The following COL23A1 variants were observed in gnomAD, a reference collection of about 807,000 sequenced individuals.
COL23A1 encodes the protein collagen alpha-1(XXIII) chain.
In COL23A1, 97 loss-of-function variants were observed where a neutral mutation model predicts 99.3. The observed-to-expected ratio is 0.98, with a 90% CI of 0.83 to 1.16. COL23A1 has a LOEUF of 1.16. Among genes scored for constraint, COL23A1 ranks in the 50% most tolerant of loss-of-function variants. COL23A1 has a pLI of 0.00. For missense variants in COL23A1, 762 were observed against 757.4 expected (o/e 1.01, Z -0.07); for synonymous variants, 320 against 308.2 (o/e 1.04, Z -0.40).
At chr5:178,526,015 C>G (rs1388565800) in intron 2 of COL23A1, among the ~76,000 whole-genome samples, 1 of 152,258 alleles carries the variant, frequency 6.6e-6, no homozygotes, top group Non-Finnish European at 1.5e-5. Flanking sequence ...GTAGTCAGCA[C>G]TGCACAGGCA....
intron 8 of COL23A1, 66 bp downstream of exon 8, chr5:178,267,241 G>C (rs1755952712): frequency 1.1e-5 from 17 of 1,555,652 alleles, no homozygotes; most frequent in Non-Finnish European, 1.4e-5. Context: ...AGCAGCGCCA[G>C]TTATGCCTCA....
In COL23A1 at chr5:178,477,993, C is replaced by T. The variant is rs549196966; in HGVS notation, c.361+82689G>A. 2.6e-5 allele frequency among the ~76,000 whole-genome samples: 4 copies of T among 152,316 alleles called. No homozygotes were observed. The South Asian group carries it at 8.3e-4, about 32-fold the overall frequency. ...GCAGCCTCCTCCTAGGCCCTTCATG[C>T]CACCTGAGGGAGGTCCCAGGGTGTG... On this transcript the variant is annotated intron_variant, in intron 2 of 28. Transcript: ENST00000390654.
chr5:178,248,999 C>G, intron 19 of COL23A1, 118 bp downstream of exon 19: 1 of 994,514 alleles, frequency 1.0e-6, no homozygotes. Flanking sequence ...CGGCTGGGCA[C>G]TGAGACCGCA....
In COL23A1 at chr5:178,559,601, C is replaced by T. The variant is rs1350844141; in HGVS notation, c.361+1081G>A. Among the ~76,000 whole-genome samples, 10 of 123,632 alleles carry T rather than the reference C, an allele frequency of 8.1e-5. 1 individual carries two copies. The highest frequency in any genetic ancestry group is 1.5e-4 in the Non-Finnish European group (9 of 61,050). The allele number at this position is 123,632 out of a possible 152,430, so 81.1% of individuals were successfully genotyped here. A position where few individuals can be genotyped will look rare whatever the true frequency, so the allele number is the denominator to read the frequency against. ...CCAAAAGTCACCTTTCCCTGCAGGT[C>T]GAGAAGTCTGAGACACATCACCCAA... On this transcript the variant is annotated intron_variant, in intron 2 of 28. Coordinates refer to ENST00000390654, the MANE Select transcript of COL23A1 (RefSeq NM_173465.4).
In COL23A1 at chr5:178,287,241, C is replaced by T. The variant is rs146278072; in HGVS notation, c.441+1083G>A. ...GGTTTTCACATTTCATTCTTACTTC[C>T]GCAGAGTCTGAGAGGCCAGGCTGCT... On this transcript the variant is annotated intron_variant, in intron 5 of 28. Coordinates refer to ENST00000390654, the MANE Select transcript of COL23A1 (RefSeq NM_173465.4). 2.6e-3 allele frequency among the ~76,000 whole-genome samples: 399 copies of T among 152,298 alleles called. 3 individuals carry two copies. Among genetic ancestry groups the T allele is most frequent in the African/African-American group, 8.9e-3 (372 of 41,578 alleles).
At chr5:178,546,604 G>A (rs1017073223) in intron 2 of COL23A1, among the ~76,000 whole-genome samples, 1 of 152,230 alleles carries the variant, frequency 6.6e-6, no homozygotes, top group Admixed American at 6.5e-5. Context: ...CTTACTGGAC[G>A]ATGAGGTAAA....
rs1491281679 is a variant in COL23A1, at chr5:178,358,675, GTA to G, written c.362-51758_362-51757del. Among the ~76,000 whole-genome samples the G allele has an allele frequency of 3.0e-3, 286 of 94,156 alleles. 3 individuals are homozygous for G. The highest frequency in any genetic ancestry group is 0.014 in the South Asian group (36 of 2,522). 61.8% of individuals were successfully genotyped at this position (94,156 alleles called of 152,430 possible). ...GTGTACGTGTGTATGTGTCTAATGT[GTA>G]TGTGTATGTGTGTGTATGTATGTGT... On this transcript the variant is annotated intron_variant, in intron 2 of 28. Transcript: ENST00000390654.
chr5:178,524,926 C>T (rs901423901), intron 2 of COL23A1, among the ~76,000 whole-genome samples: 9 of 152,254 alleles, frequency 5.9e-5, no homozygotes, highest in East Asian at 1.9e-4. Context: ...CATTTACACA[C>T]GCACCACCCA....
chr5:178,346,823 G>A (rs34688771), intron 2 of COL23A1, among the ~76,000 whole-genome samples: 49,759 of 152,100 alleles, frequency 0.33, 9,694 homozygotes, highest in Middle Eastern at 0.5. Context: ...GCGGCCCGTC[G>A]GAGCCTCTGA....
intron 2 of COL23A1, among the ~76,000 whole-genome samples, chr5:178,357,146 ATTAAGCAC>A (rs935497838): frequency 6.6e-6 from 1 of 152,198 alleles, no homozygotes; most frequent in Non-Finnish European, 1.5e-5. Context: ...ATCTAATTGC[ATTAAGCAC>A]GGGTTCCCTC....
rs1765373384 is a variant in COL23A1 at position 178,257,532 on chromosome 5, T to C, written c.765A>G (p.Pro255=). 1.3e-6 allele frequency: 2 copies of C among 1,566,480 alleles called. No individual in the cohort carries two copies. Among genetic ancestry groups the C allele is most frequent in the Non-Finnish European group, 1.7e-6 (2 of 1,155,146 alleles). Reference sequence around the variant, plus strand: ...AGGGGCAGATACTCACCTTGGGCCCTGGTGGTCCAGGCTGGCTTGGTGTCC... The same window carrying C: ...AGGGGCAGATACTCACCTTGGGCCCCGGTGGTCCAGGCTGGCTTGGTGTCC... ...DDGTPSQPGP[P]GPKGEPGSMG... The change falls in exon 13 of 29, where the codon CCA becomes CCG. Residue 255 remains proline, a synonymous_variant. Coordinates refer to ENST00000390654, the MANE Select transcript of COL23A1 (RefSeq NM_173465.4).
In COL23A1 at chr5:178,415,039, C is replaced by A. The variant is rs989915184; in HGVS notation, c.362-108120G>T. Among the ~76,000 whole-genome samples the A allele has an allele frequency of 2.0e-5, 3 of 152,164 alleles. No homozygotes were observed. The highest frequency in any genetic ancestry group is 7.2e-5 in the African/African-American group (3 of 41,436). ...CTGCTGACCTGCCTCTCTGCTTCCA[C>A]AATAAGATGAGGGCAGGTTTTTAAA... On this transcript the variant is annotated intron_variant, in intron 2 of 28. Transcript: ENST00000390654. This position sits in a 1 kb window ranked among gnomAD's most constrained non-coding sequence, Gnocchi z 4.6.
At position 178,307,354 on chromosome 5, in the gene COL23A1, A is replaced by G. The variant is rs915228021; in HGVS notation, c.362-435T>C. Among the ~76,000 whole-genome samples, 2 of 152,232 alleles carry G rather than the reference A, an allele frequency of 1.3e-5. No homozygotes were observed. Among genetic ancestry groups the G allele is most frequent in the African/African-American group, 4.8e-5 (2 of 41,462 alleles). On this transcript the variant is annotated intron_variant, in intron 2 of 28. Coordinates refer to ENST00000390654, the MANE Select transcript of COL23A1 (RefSeq NM_173465.4). The surrounding 1 kb of genome is among the most constrained non-coding windows in gnomAD (Gnocchi z 4.2). ...TTCATATTCACTAAAGTAAAACAAC[A>G]AAGCCAACACAACAAAGAGGCCATC...
intron 17 of COL23A1, among the ~76,000 whole-genome samples, chr5:178,251,025 A>ATTTTT (rs70994990): frequency 2.8e-4 from 34 of 121,270 alleles, no homozygotes; most frequent in Admixed American, 1.8e-3. Flanking sequence ...TCGCAAGATA[A>ATTTTT]TTTTTTTTTT....
intron 2 of COL23A1, among the ~76,000 whole-genome samples, chr5:178,533,800 T>G (rs1467504836): frequency 6.6e-6 from 1 of 152,212 alleles, no homozygotes; most frequent in Non-Finnish European, 1.5e-5. Context: ...CCCAGCCGTT[T>G]CCTTCCTTTT....
At chr5:178,358,290 G>A (rs886069089) in intron 2 of COL23A1, among the ~76,000 whole-genome samples, 12 of 143,888 alleles carry the variant, frequency 8.3e-5, no homozygotes, top group Admixed American at 1.4e-4. Context: ...ATGCGTGTGC[G>A]TATATGTATG....
chr5:178,414,054 T>C (rs555201644), intron 2 of COL23A1, among the ~76,000 whole-genome samples: 3 of 152,298 alleles, frequency 2.0e-5, no homozygotes, highest in South Asian at 4.1e-4. Flanking sequence ...GGGCACATAA[T>C]TCATGCTGCT....
intron 2 of COL23A1, among the ~76,000 whole-genome samples, chr5:178,460,022 T>G (rs1756031021): frequency 2.0e-5 from 3 of 152,248 alleles, no homozygotes; most frequent in Admixed American, 2.0e-4. Context: ...TTATATTTTC[T>G]GTTTTCTATT....
intron 25 of COL23A1, among the ~76,000 whole-genome samples, chr5:178,244,695 C>G (rs1466643629): frequency 6.6e-6 from 1 of 152,178 alleles, no homozygotes; most frequent in Admixed American, 6.5e-5. Flanking sequence ...ACAGTTGAGC[C>G]CTGGATCCAT....
Sources: gnomAD v4.1 joint callset for allele counts (sites outside exome capture counted in the v4.1 genomes callset) on GRCh38, gnomAD v4.1.1 for gene constraint, Gnocchi (gnomAD v3.1) non-coding constraint, MANE v1.5 for transcripts, NCBI Gene and HGNC (gene_info 2026-07-23, HGNC 2026-07-21) for gene names.